SNTG1: variants seen among roughly 807,000 people sequenced by gnomAD.
The protein encoded by SNTG1 is syntrophin gamma 1.
Under a neutral mutation model 74.7 loss-of-function variants are expected in SNTG1, and 39 were observed. The ratio of observed to expected loss-of-function variants is 0.52; its 90% CI spans 0.40 to 0.68. The LOEUF (loss-of-function observed/expected upper bound fraction) is 0.68, where lower values mean the gene tolerates loss of function less well. Ranked by LOEUF, SNTG1 falls within the 30% of genes least tolerant of loss-of-function variation. SNTG1 has a pLI of 0.00. For synonymous variants in SNTG1, 254 were observed against 217.1 expected, an observed-to-expected ratio of 1.17 and a Z score of -1.49; for missense variants, 685 against 609.5, an observed-to-expected ratio of 1.12 and a Z score of -1.30.
At position 50,670,804 on chromosome 8, in the gene SNTG1, T is replaced by C. The variant is rs2095277463; in HGVS notation, c.1038+12141T>C. ...CTGACTTCAAACTATACTACAAGGC[T>C]ACAGTAACCAAAACAGCATGGTACT... On this transcript the variant is annotated intron_variant, in intron 15 of 18. Coordinates refer to ENST00000642720, the MANE Select transcript of SNTG1 (RefSeq NM_018967.5). Among the ~76,000 whole-genome samples, 2 of 150,560 alleles carry C rather than the reference T, an allele frequency of 1.3e-5. 1 individual carries two copies. The highest frequency in any genetic ancestry group is 3.0e-5 in the Non-Finnish European group (2 of 67,708).
chr8:50,711,033 G>A (rs191001756), intron 17 of SNTG1, among the ~76,000 whole-genome samples: 1 of 152,242 alleles, frequency 6.6e-6, no homozygotes, highest in East Asian at 1.9e-4. Context: ...ATGAAAGTAG[G>A]AGCTATTAAT....
intron 9 of SNTG1, among the ~76,000 whole-genome samples, chr8:50,523,584 G>A (rs2094197389): frequency 6.6e-6 from 1 of 152,182 alleles, no homozygotes; most frequent in Admixed American, 6.6e-5. Flanking sequence ...CAGTTGAGCT[G>A]TCAGAACACA....
At chr8:50,670,038 A>G (rs1362545146) in intron 15 of SNTG1, among the ~76,000 whole-genome samples, 1 of 152,172 alleles carries the variant, frequency 6.6e-6, no homozygotes, top group Non-Finnish European at 1.5e-5. Flanking sequence ...GATGGGATGT[A>G]TCTCAAAATA....
chr8:50,078,133 G>C (rs1332839481), intron 1 of SNTG1, among the ~76,000 whole-genome samples: 1 of 152,024 alleles, frequency 6.6e-6, no homozygotes, highest in Non-Finnish European at 1.5e-5. Flanking sequence ...CAGTTCCATT[G>C]GTTTATATGT....
intron 15 of SNTG1, among the ~76,000 whole-genome samples, chr8:50,681,272 CATT>C (rs2095329824): frequency 1.3e-5 from 2 of 151,568 alleles, no homozygotes; most frequent in Non-Finnish European, 2.9e-5. Context: ...ATACATTGAA[CATT>C]ATAGAGGATA....
chr8:50,611,220 G>T (rs151122627), intron 13 of SNTG1, among the ~76,000 whole-genome samples: 1 of 152,142 alleles, frequency 6.6e-6, no homozygotes, highest in Non-Finnish European at 1.5e-5. Flanking sequence ...AGCAGTCTCT[G>T]CAGGGACAGA....
intron 1 of SNTG1, among the ~76,000 whole-genome samples, chr8:49,943,960 A>G (rs1005015703): frequency 1.3e-5 from 2 of 152,238 alleles, no homozygotes; most frequent in African/African-American, 4.8e-5. Flanking sequence ...TAATCTCATT[A>G]TAGTTCAAAA....
intron 1 of SNTG1, among the ~76,000 whole-genome samples, chr8:50,028,687 A>G (rs913160793): frequency 2.0e-5 from 3 of 152,166 alleles, no homozygotes; most frequent in Non-Finnish European, 2.9e-5. Context: ...ACATGTATAC[A>G]TATGTAATTA....
intron 1 of SNTG1, among the ~76,000 whole-genome samples, chr8:49,997,837 G>T (rs912876806): frequency 6.6e-6 from 1 of 152,104 alleles, no homozygotes; most frequent in East Asian, 1.9e-4. Flanking sequence ...TGTCTTTAGA[G>T]ATTATGCTAA....
At chr8:50,311,080 A>T (rs747904293) in intron 2 of SNTG1, among the ~76,000 whole-genome samples, 1 of 152,210 alleles carries the variant, frequency 6.6e-6, no homozygotes, top group Non-Finnish European at 1.5e-5. Flanking sequence ...ATTCTTTCTA[A>T]AAATATTATG....
At position 50,345,415 on chromosome 8, in the gene SNTG1, C is replaced by A. The variant is rs541876631; in HGVS notation, c.-27-48797C>A. Among the ~76,000 whole-genome samples, 5 of 152,214 alleles carry A rather than the reference C, an allele frequency of 3.3e-5. No individual in the cohort carries two copies. The South Asian group carries it at 1.0e-3, about 32-fold the overall frequency. ...CTGCCCTCTAGGATCCTGGCTCTGC[C>A]TTCTAGAACCCTACTCTGCCCTCTT... On this transcript the variant is annotated intron_variant, in intron 2 of 18. Transcript: ENST00000642720.
At chr8:50,165,928 G>C (rs2082599520) in intron 1 of SNTG1, among the ~76,000 whole-genome samples, 1 of 149,932 alleles carries the variant, frequency 6.7e-6, no homozygotes, top group Non-Finnish European at 1.5e-5. Flanking sequence ...CAGAGATATA[G>C]ATCAATGGAA....
intron 18 of SNTG1, among the ~76,000 whole-genome samples, chr8:50,769,594 T>C (rs2095622203): frequency 3.3e-5 from 5 of 152,062 alleles, no homozygotes; most frequent in Admixed American, 3.3e-4. Flanking sequence ...GCTATACATA[T>C]GTCTATTTAT....
chr8:50,229,156 T>C (rs1185897149), intron 2 of SNTG1, among the ~76,000 whole-genome samples: 3 of 151,174 alleles, frequency 2.0e-5, no homozygotes, highest in Non-Finnish European at 4.4e-5. Context: ...GGAAAGGAGA[T>C]AAAATGCTCA....
At chr8:50,016,504 T>C (rs1816329300) in intron 1 of SNTG1, among the ~76,000 whole-genome samples, 1 of 152,122 alleles carries the variant, frequency 6.6e-6, no homozygotes, top group African/African-American at 2.4e-5. Flanking sequence ...CAACTTCTGA[T>C]GGCCAGCCAC....
chr8:50,207,920 G>A (rs980499881), intron 2 of SNTG1, among the ~76,000 whole-genome samples: 2 of 152,174 alleles, frequency 1.3e-5, no homozygotes, highest in African/African-American at 4.8e-5. Context: ...ATTGCACTGT[G>A]ATCTCAGAGA....
At chr8:50,113,737 T>G (rs2080700215) in intron 1 of SNTG1, among the ~76,000 whole-genome samples, 1 of 152,138 alleles carries the variant, frequency 6.6e-6, no homozygotes, top group Non-Finnish European at 1.5e-5. Flanking sequence ...AAATAGCTTT[T>G]ATTATTTTGA....
intron 2 of SNTG1, among the ~76,000 whole-genome samples, chr8:50,242,366 T>G (rs745619936): frequency 2.6e-5 from 4 of 151,486 alleles, no homozygotes; most frequent in Non-Finnish European, 5.9e-5. Flanking sequence ...CCATCTCTAC[T>G]AACATAGAAA....
At chr8:50,075,347 T>C (rs1821760973) in intron 1 of SNTG1, among the ~76,000 whole-genome samples, 2 of 152,184 alleles carry the variant, frequency 1.3e-5, no homozygotes, top group Admixed American at 1.3e-4. Flanking sequence ...GGAGAACTTT[T>C]ATGTCTGGCT....
Sources: gnomAD v4.1 joint callset for allele counts (sites outside exome capture counted in the v4.1 genomes callset) on GRCh38, gnomAD v4.1.1 for gene constraint, MANE v1.5 for transcripts, NCBI Gene and HGNC (gene_info 2026-07-23, HGNC 2026-07-21) for gene names.